Variants in MMRN2 observed in about 807,000 individuals in gnomAD.
MMRN2 encodes the protein multimerin 2, also known as multimerin-2.
In MMRN2, 53 loss-of-function variants were observed where a neutral mutation model predicts 68.8. The observed-to-expected ratio is 0.77, with a 90% CI of 0.62 to 0.97. The LOEUF (loss-of-function observed/expected upper bound fraction) is 0.97, where lower values mean the gene tolerates loss of function less well. Ranked by LOEUF, MMRN2 falls within the 50% of genes least tolerant of loss-of-function variation. The probability of loss-of-function intolerance (pLI) is 0.00; values close to 1 mark genes in which losing one functional copy is unlikely to be tolerated. For synonymous variants in MMRN2, 564 were observed against 551.6 expected (o/e 1.02, Z -0.32); for missense variants, 1,266 against 1,259.5 (o/e 1.01, Z -0.08).
intron 1 of MMRN2, among the ~76,000 whole-genome samples, chr10:86,948,288 C>G (rs1444102826): frequency 7.1e-6 from 1 of 140,278 alleles, no homozygotes; most frequent in Admixed American, 7.1e-5. Flanking sequence ...TGGACAAAAA[C>G]TAAGACTGTG....
Position 86,943,038 on chromosome 10 carries a change from C to A in MMRN2, c.1746G>T (p.Ala582=). Reference sequence around the variant, plus strand: ...GGCGCACCTCGTGGCGGGCCTCGGCCGCGGCCGCCTTCAGCGCGCCCACCT... The same window carrying A: ...GGCGCACCTCGTGGCGGGCCTCGGCAGCGGCCGCCTTCAGCGCGCCCACCT... The part of the protein sequence containing the change: ...DDEVGALKAA[A]AEARHEVRQL... The change falls in exon 6 of 7, where the codon GCG becomes GCT. Residue 582 remains alanine (A), a synonymous_variant. Coordinates refer to ENST00000372027, the MANE Select transcript of MMRN2 (RefSeq NM_024756.3). The surrounding 1 kb of genome is among the most constrained non-coding windows in gnomAD (Gnocchi z 4.2). 7.4e-7 allele frequency: 1 copy of A among 1,353,618 alleles called. No individual in the cohort carries two copies. 83.9% of individuals were successfully genotyped at this position (1,353,618 alleles called of 1,614,324 possible). A position where few individuals can be genotyped will look rare whatever the true frequency, so the allele number is the denominator to read the frequency against.
At position 86,942,940 on chromosome 10, in the gene MMRN2, C is replaced by A; in HGVS notation, c.1844G>T (p.Gly615Val). 1 of 1,501,442 alleles carries A rather than the reference C, an allele frequency of 6.7e-7. No individual in the cohort carries two copies. Among genetic ancestry groups the A allele is most frequent in the East Asian group, 2.8e-5 (1 of 35,838 alleles). 93.0% of individuals were successfully genotyped at this position (1,501,442 alleles called of 1,614,324 possible). A position where few individuals can be genotyped will look rare whatever the true frequency, so the allele number is the denominator to read the frequency against. ...AGACATCTCCTCCAGCACCTCCTCC[C>A]CGAAGAGCGCGGCCAGCACCGCCTC... ...RHEAVLAALF[G>V]EEVLEEMSEQ... is the part of the protein sequence containing the mutation. The change falls in exon 6 of 7, where the codon GGG becomes GTG. Residue 615 changes from glycine (G) to valine (V), a missense_variant. Gly to Val is a moderately radical substitution (Grantham distance 109). Coordinates refer to ENST00000372027, the MANE Select transcript of MMRN2 (RefSeq NM_024756.3).
intron 1 of MMRN2, chr10:86,949,086 G>C (rs575140702): frequency 6.6e-6 from 1 of 152,252 alleles, no homozygotes; most frequent in Non-Finnish European, 1.5e-5. Flanking sequence ...TAGAACTCTG[G>C]GAACAAAGAT....
chr10:86,948,541 A>G (rs1280151751), intron 1 of MMRN2: 6 of 152,218 alleles, frequency 3.9e-5, no homozygotes, highest in Non-Finnish European at 7.3e-5. Flanking sequence ...TCCCTAAAAG[A>G]GCAAACAGAG....
At chr10:86,947,274 G>A (rs1028367156) in intron 1 of MMRN2, among the ~76,000 whole-genome samples, 20 of 152,154 alleles carry the variant, frequency 1.3e-4, no homozygotes, top group African/African-American at 4.1e-4. Flanking sequence ...TGTCAGTGCC[G>A]GGATTTTATT....
intron 6 of MMRN2, among the ~76,000 whole-genome samples, chr10:86,939,297 A>G (rs113917324): frequency 0.016 from 2,397 of 151,280 alleles, 65 homozygotes; most frequent in African/African-American, 0.055. Flanking sequence ...TCCCGTCTCT[A>G]CTAAAACTAC....
rs749001193 is a variant in MMRN2, at chr10:86,942,392, C to T, written c.2392G>A (p.Glu798Lys). 6.2e-7 allele frequency: 1 copy of T among 1,614,192 alleles called. No individual in the cohort carries two copies. Among genetic ancestry groups the T allele is most frequent in the East Asian group, 2.2e-5 (1 of 44,864 alleles). The change falls in exon 6 of 7, where the codon GAA (glutamate) becomes AAA (lysine). Residue 798 changes from glutamate (E) to lysine (K), a missense_variant. Glu to Lys is a moderately conservative substitution (Grantham distance 56, BLOSUM62 1). Coordinates refer to ENST00000372027, the MANE Select transcript of MMRN2 (RefSeq NM_024756.3). The stretch of plus-strand genomic sequence containing the variant: ...CGTATGTCCACCAAAGGCTCCGCTT[C>T]CTTCTTGTCCCTCTTCCGGGGAGCT... ...LEAPRKRDKK[E>K]AEPLVDIRVT...
At chr10:86,942,239 C>A (rs1843981773) in intron 6 of MMRN2, 78 bp downstream of exon 6, 3 of 1,496,122 alleles carry the variant, frequency 2.0e-6, no homozygotes, top group Non-Finnish European at 2.7e-6. Flanking sequence ...CTTCCTGGCC[C>A]TCTTGGAGGC....
chr10:86,945,214 T>G lies in MMRN2; in HGVS notation c.455A>C (p.Gln152Pro). ...ADPGDSHQEPQDGPVSFKPGH... is the reference protein window; with the variant it reads ...ADPGDSHQEPPDGPVSFKPGH... ...AGGTTTGAAGCTGACTGGTCCATCC[T>G]GAGGTTCCTGGTGGCTGTCACCAGG... is the stretch of plus-strand genomic sequence containing the variant. Residue 152 changes from glutamine to proline, a missense_variant, in exon 4 of 7, where the codon CAG (glutamine) becomes CCG (proline). Physicochemically the swap from Gln to Pro is moderately conservative, Grantham distance 76. Coordinates refer to ENST00000372027, the MANE Select transcript of MMRN2 (RefSeq NM_024756.3). 6.2e-7 allele frequency: 1 copy of G among 1,613,912 alleles called. No homozygotes were observed. The highest frequency in any genetic ancestry group is 8.5e-7 in the Non-Finnish European group (1 of 1,180,024).
At position 86,943,340 on chromosome 10, in the gene MMRN2, G is replaced by C; in HGVS notation, c.1444C>G (p.His482Asp). ...NLTLQHLQGG[H>D]ADLIKYVKDC... ...TTCACGTACTTGATGAGGTCGGCAT[G>C]GCCACCCTGCAGGTGCTGCAGCGTG... The change falls in exon 6 of 7, where the codon CAT becomes GAT. Residue 482 changes from histidine (H) to aspartate (D), a missense_variant. His to Asp is a moderately conservative substitution (Grantham distance 81, BLOSUM62 -1). Coordinates refer to ENST00000372027, the MANE Select transcript of MMRN2 (RefSeq NM_024756.3). The surrounding 1 kb of genome is among the most constrained non-coding windows in gnomAD (Gnocchi z 4.2). 6.2e-7 allele frequency: 1 copy of C among 1,613,974 alleles called. No individual in the cohort carries two copies. The highest frequency in any genetic ancestry group is 8.5e-7 in the Non-Finnish European group (1 of 1,180,012).
rs534169357 is a variant in MMRN2 at position 86,953,713 on chromosome 10, A to T, written c.164+3665T>A. 8.7e-4 allele frequency among the ~76,000 whole-genome samples: 133 copies of T among 152,370 alleles called. 4 individuals are homozygous for T. In the South Asian group the frequency reaches 0.027, roughly 31 times the overall value. On this transcript the variant is annotated intron_variant, in intron 1 of 6. Coordinates refer to ENST00000372027, the MANE Select transcript of MMRN2 (RefSeq NM_024756.3). ...AAGGAATTATCTAGTCCAAAATGTCAGTATGCCAGGGCTGAGAAACTCTCT... is the reference window on the plus strand; with the variant it reads ...AAGGAATTATCTAGTCCAAAATGTCTGTATGCCAGGGCTGAGAAACTCTCT...
chr10:86,954,500 G>A (rs1164115650), intron 1 of MMRN2, among the ~76,000 whole-genome samples: 3 of 152,076 alleles, frequency 2.0e-5, no homozygotes, highest in African/African-American at 2.4e-5. Context: ...GAGGGGGAGG[G>A]CGCATCCATT....
At position 86,936,686 on chromosome 10, in the gene MMRN2, C is replaced by G; in HGVS notation, c.*57G>C. On this transcript the variant is annotated 3_prime_UTR_variant, in exon 7 of 7. Transcript: ENST00000372027. ...CCTCCAGCCCATCCTTGGCCAGAGC[C>G]CCAGGCCGAGGAGAGCTGGGCGAGT... The G allele has an allele frequency of 6.3e-7, 1 of 1,584,256 alleles. No homozygotes were observed. Among genetic ancestry groups the G allele is most frequent in the South Asian group, 1.2e-5 (1 of 86,252 alleles).
At position 86,944,090 on chromosome 10, in the gene MMRN2, G is replaced by T. The variant is rs765224698; in HGVS notation, c.694C>A (p.His232Asn). Reference protein sequence around the residue: ...DRSLEQVLLPHVDTFLQVHFS... With the variant: ...DRSLEQVLLPNVDTFLQVHFS... ...TGCACTTGTAGGAAGGTGTCCACGT[G>T]GGGTAGCAGCACCTGCTCCAAGGAT... The change falls in exon 6 of 7, where the codon CAC (histidine) becomes AAC (asparagine). Residue 232 changes from histidine to asparagine, a missense_variant. Physicochemically the swap from His to Asn is moderately conservative, Grantham distance 68 (BLOSUM62 1). Coordinates refer to ENST00000372027, the MANE Select transcript of MMRN2 (RefSeq NM_024756.3). 1.3e-5 allele frequency: 21 copies of T among 1,613,950 alleles called. No homozygotes were observed. Among genetic ancestry groups the T allele is most frequent in the African/African-American group, 5.3e-5 (4 of 74,924 alleles).
At position 86,935,980 on chromosome 10, in the gene MMRN2, A is replaced by C. The variant is rs1032114089; in HGVS notation, c.*763T>G. 3 of 153,782 alleles carry C rather than the reference A, an allele frequency of 2.0e-5. No individual in the cohort carries two copies. Among genetic ancestry groups the C allele is most frequent in the African/African-American group, 7.2e-5 (3 of 41,528 alleles). The allele number at this position is 153,782 out of a possible 1,614,324, so 9.5% of individuals were successfully genotyped here. On this transcript the variant is annotated 3_prime_UTR_variant, in exon 7 of 7. Coordinates refer to ENST00000372027, the MANE Select transcript of MMRN2 (RefSeq NM_024756.3). ...CAGGAAGGAGAATGAACACAGGAGG[A>C]ACTATCAAACTTATAAAATCATCAG...
chr10:86,941,324 T>A (rs1273749259), intron 6 of MMRN2, among the ~76,000 whole-genome samples: 1 of 152,204 alleles, frequency 6.6e-6, no homozygotes, highest in African/African-American at 2.4e-5. Context: ...TTCCTCTATG[T>A]ACATACCTAT....
chr10:86,939,064 A>G (rs1843918324), intron 6 of MMRN2, among the ~76,000 whole-genome samples: 1 of 150,876 alleles, frequency 6.6e-6, no homozygotes, highest in Non-Finnish European at 1.5e-5. Context: ...TGGGAGGCTG[A>G]GGCATGAGAA....
chr10:86,941,907 T>C (rs1239125238), intron 6 of MMRN2, among the ~76,000 whole-genome samples: 1 of 149,518 alleles, frequency 6.7e-6, no homozygotes, highest in Admixed American at 6.6e-5. Flanking sequence ...ACAGTCCCTA[T>C]CCACATTCTT....
In MMRN2 at chr10:86,942,481, AGGCTGACGTTG is replaced by A; in HGVS notation, c.2292_2302del (p.Asn765GlyfsTer90). 6.2e-7 allele frequency: 1 copy of A among 1,614,072 alleles called. No homozygotes were observed. Among genetic ancestry groups the A allele is most frequent in the Non-Finnish European group, 8.5e-7 (1 of 1,180,010 alleles). ...CATGGTCTGCAGCTTCCCCAGGTCC[AGGCTGACGTTG>A]GCTTCCATGAGCCCTTGGAAGTTCC... On this transcript the variant is annotated frameshift_variant, in exon 6 of 7. Transcript: ENST00000372027. LOFTEE classifies it high-confidence loss of function.
Sources: gnomAD v4.1 joint callset for allele counts (sites outside exome capture counted in the v4.1 genomes callset) on GRCh38, gnomAD v4.1.1 for gene constraint, Gnocchi (gnomAD v3.1) non-coding constraint, MANE v1.5 for transcripts, NCBI Gene and HGNC (gene_info 2026-07-23, HGNC 2026-07-21) for gene names.